Variants in MEP1A observed in about 807,000 individuals in gnomAD.
The protein encoded by MEP1A is meprin A subunit alpha.
A neutral mutation model predicts 84.5 loss-of-function variants in MEP1A; 68 were observed. That is an observed-to-expected ratio of 0.80 (90% confidence interval 0.66 to 0.98). MEP1A has a LOEUF of 0.98. MEP1A is among the 50% of genes least tolerant of loss of function. The pLI is 0.00. For synonymous variants in MEP1A, 337 were observed against 336.8 expected, an observed-to-expected ratio of 1.00 and a Z score of -0.01; for missense variants, 887 against 919.9, an observed-to-expected ratio of 0.96 and a Z score of 0.46.
chr6:46,810,557 A>G (rs1767473350), intron 6 of MEP1A, among the ~76,000 whole-genome samples: 1 of 152,134 alleles, frequency 6.6e-6, no homozygotes, highest in Admixed American at 6.6e-5. Flanking sequence ...AATGTCTAGA[A>G]GGGTTTTTCT....
intron 6 of MEP1A, among the ~76,000 whole-genome samples, chr6:46,817,871 G>A (rs1767678119): frequency 6.6e-6 from 1 of 152,208 alleles, no homozygotes; most frequent in African/African-American, 2.4e-5. Context: ...GAGGGAAAAA[G>A]AGAGGAAGAT....
chr6:46,797,935 C>CTTCCTTCCTTCT (rs1562102830), intron 3 of MEP1A, among the ~76,000 whole-genome samples: 4 of 20,544 alleles, frequency 1.9e-4, no homozygotes, highest in East Asian at 2.6e-3. Flanking sequence ...TCCTTCTTTC[C>CTTCCTTCCTTCT]TTCCTTCCTT....
intron 13 of MEP1A, among the ~76,000 whole-genome samples, chr6:46,837,610 T>C (rs1581691915): frequency 6.6e-6 from 1 of 152,334 alleles, no homozygotes; most frequent in African/African-American, 2.4e-5. Flanking sequence ...ACAGGCTTCA[T>C]CCTTCCCAGG....
At chr6:46,811,879 A>C (rs570194202) in intron 6 of MEP1A, among the ~76,000 whole-genome samples, 1 of 151,816 alleles carries the variant, frequency 6.6e-6, no homozygotes, top group African/African-American at 2.4e-5. Flanking sequence ...TCATCAGTAC[A>C]TTATTGAGGA....
At chr6:46,829,592 G>A (rs2274657) in intron 10 of MEP1A, 21 bp downstream of exon 10, 495,949 of 1,579,122 alleles carry the variant, frequency 0.31, 80,596 homozygotes, top group Admixed American at 0.35. Context: ...GCATTCACAC[G>A]AGGAATGGAT....
At chr6:46,826,792 A>G (rs1284224691) in intron 9 of MEP1A, among the ~76,000 whole-genome samples, 1 of 152,210 alleles carries the variant, frequency 6.6e-6, no homozygotes, top group Non-Finnish European at 1.5e-5. Context: ...TCCTACAGAA[A>G]TATAATGTGA....
In MEP1A at chr6:46,835,377, G is replaced by A. The variant is rs1484551647; in HGVS notation, c.1912G>A (p.Ala638Thr). The change falls in exon 13 of 14, where the codon GCC becomes ACC. Residue 638 changes from alanine to threonine, a missense_variant. Transcript: ENST00000230588. ...EGSGKAMLEE[A>T]LPVSLSQGQP... is the part of the protein sequence containing the mutation. ...TTCGGGAAAGGCCATGTTAGAGGAAGCCCTACCTGTCAGCCTGAGCCAGGG... is the reference window on the plus strand; with the variant it reads ...TTCGGGAAAGGCCATGTTAGAGGAAACCCTACCTGTCAGCCTGAGCCAGGG... The A allele has an allele frequency of 6.2e-7, 1 of 1,611,948 alleles. No individual in the cohort carries two copies. Among genetic ancestry groups the A allele is most frequent in the Non-Finnish European group, 8.5e-7 (1 of 1,179,106 alleles).
Position 46,803,162 on chromosome 6 carries a change from C to T in MEP1A, c.262+3981C>T, listed in dbSNP as rs114863697. 9.6e-3 allele frequency among the ~76,000 whole-genome samples: 1,444 copies of T among 151,048 alleles called. 30 individuals carry two copies. The highest frequency in any genetic ancestry group is 0.032 in the African/African-American group (1,325 of 41,304). On this transcript the variant is annotated intron_variant, in intron 5 of 13. Coordinates refer to ENST00000230588, the MANE Select transcript of MEP1A (RefSeq NM_005588.3). ...AAATTTGTTTGTTGGTAAAATTCAC[C>T]GATAAAATAAAATAACCAAGTAATG...
intron 7 of MEP1A, among the ~76,000 whole-genome samples, chr6:46,822,418 G>C (rs142158183): frequency 1.3e-5 from 2 of 152,112 alleles, no homozygotes; most frequent in Non-Finnish European, 2.9e-5. Flanking sequence ...GCTCTTAGTA[G>C]ACACTAGGCC....
chr6:46,825,427 A>C lies in MEP1A; in HGVS notation c.712A>C (p.Ile238Leu), dbSNP rs775825864. Residue 238 changes from isoleucine (I) to leucine (L), a missense_variant, in exon 8 of 14, where the codon ATT (isoleucine) becomes CTT (leucine). Ile to Leu is a conservative substitution (Grantham distance 5). Transcript: ENST00000230588. The part of the protein sequence containing the change: ...ITAKIPEFNS[I>L]IGQRLDFSAI... The stretch of plus-strand genomic sequence containing the variant: ...AGCCAAGATCCCTGAGTTTAACTCC[A>C]TTATCGGACAGCGCCTGGATTTCAG... 3.2e-5 allele frequency: 51 copies of C among 1,613,816 alleles called. No homozygotes were observed. Among genetic ancestry groups the C allele is most frequent in the Admixed American group, 8.3e-5 (5 of 59,976 alleles).
intron 12 of MEP1A, 120 bp from the exon 13 acceptor site, chr6:46,835,129 T>C (rs1757196799): frequency 2.2e-5 from 19 of 863,302 alleles, no homozygotes; most frequent in Middle Eastern, 3.5e-4. Flanking sequence ...AAGCCACTTT[T>C]CCATGTCACT....
intron 10 of MEP1A, 148 bp from the exon 11 acceptor site, chr6:46,832,926 C>T: frequency 2.1e-6 from 1 of 473,304 alleles, no homozygotes; most frequent in Non-Finnish European, 3.8e-6. Flanking sequence ...AGTTACTTAA[C>T]CAGTTTATAA....
chr6:46,793,774 A>C (rs1245927163), intron 3 of MEP1A, 58 bp downstream of exon 3: 36 of 1,226,282 alleles, frequency 2.9e-5, no homozygotes, highest in Non-Finnish European at 3.9e-5. Context: ...CAGTGGTGGG[A>C]TTACTGAACA....
At chr6:46,843,518 C>T (rs111417393), downstream of MEP1A, among the ~76,000 whole-genome samples, 3,639 of 152,274 alleles carry the variant, frequency 0.024, 168 homozygotes, top group African/African-American at 0.083. Context: ...GTGTAGCTTG[C>T]TATAGAAATA....
chr6:46,814,705 G>A (rs1287018296), intron 6 of MEP1A, among the ~76,000 whole-genome samples: 1 of 151,996 alleles, frequency 6.6e-6, no homozygotes, highest in Non-Finnish European at 1.5e-5. Flanking sequence ...GGAATTCAAG[G>A]GCTGTTTTTC....
chr6:46,799,145 A>G lies in MEP1A; in HGVS notation c.226A>G (p.Thr76Ala). Residue 76 changes from threonine (T) to alanine (A), a missense_variant, in exon 5 of 14, where the codon ACG becomes GCG. Thr to Ala is a moderately conservative substitution (Grantham distance 58). Coordinates refer to ENST00000230588, the MANE Select transcript of MEP1A (RefSeq NM_005588.3). ...CCTGAGAGACCCAAACACCAGGTGG[A>G]CGTTCCCCATTCCTTACATCTTGGC... ...NGLRDPNTRW[T>A]FPIPYILADN... The G allele has an allele frequency of 6.2e-7, 1 of 1,613,268 alleles. No homozygotes were observed. Among genetic ancestry groups the G allele is most frequent in the Non-Finnish European group, 8.5e-7 (1 of 1,179,214 alleles).
In MEP1A at chr6:46,829,501, C is replaced by G. The variant is rs751684564; in HGVS notation, c.1074C>G (p.Leu358=). 1.1e-5 allele frequency: 17 copies of G among 1,613,914 alleles called. No homozygotes were observed. ...TGACGGGAAGTCCTTCAGACAGACT[C>G]GTTGTCTGGGTCAGGAGGGATGACA... ...YKMTGSPSDR[L]VVWVRRDDST... Residue 358 remains leucine (L), a synonymous_variant, in exon 10 of 14, where the codon CTC becomes CTG. Coordinates refer to ENST00000230588, the MANE Select transcript of MEP1A (RefSeq NM_005588.3).
chr6:46,834,046 G>A (rs1186336292), intron 11 of MEP1A, among the ~76,000 whole-genome samples: 3 of 149,376 alleles, frequency 2.0e-5, no homozygotes, highest in Admixed American at 1.3e-4. Flanking sequence ...GCGCATTCTC[G>A]GCTCACTGCA....
rs71536390 is a variant in MEP1A, at chr6:46,836,793, ATT to A, written c.2084+1259_2084+1260del. 1.7e-3 allele frequency among the ~76,000 whole-genome samples: 237 copies of A among 142,046 alleles called. 1 individual carries two copies. Among genetic ancestry groups the A allele is most frequent in the African/African-American group, 2.9e-3 (112 of 38,544 alleles). 93.2% of individuals were successfully genotyped at this position (142,046 alleles called of 152,430 possible). A position where few individuals can be genotyped will look rare whatever the true frequency, so the allele number is the denominator to read the frequency against. On this transcript the variant is annotated intron_variant, in intron 13 of 13. Coordinates refer to ENST00000230588, the MANE Select transcript of MEP1A (RefSeq NM_005588.3). The stretch of plus-strand genomic sequence containing the variant: ...CACTTTCGAAGATTACTGGTCAGGG[ATT>A]TTTTTTTTTTTTTTGGTTCATCTTG...
Sources: allele counts gnomAD v4.1 joint callset (sites outside exome capture counted in the v4.1 genomes callset), GRCh38; gene constraint gnomAD v4.1.1; transcripts MANE v1.5; gene names NCBI Gene and HGNC (gene_info 2026-07-23, HGNC 2026-07-21).